Variants in NRG1 observed in about 807,000 individuals in gnomAD.
NRG1 encodes neuregulin 1, also known as pro-neuregulin-1, membrane-bound isoform.
Under a neutral mutation model 63.8 loss-of-function variants are expected in NRG1, and 18 were observed. The ratio of observed to expected loss-of-function variants is 0.28; its 90% CI spans 0.19 to 0.42. The LOEUF (loss-of-function observed/expected upper bound fraction) is 0.42. Ranked by LOEUF, NRG1 falls within the 10% of genes least tolerant of loss-of-function variation. The pLI, the probability that NRG1 is intolerant of heterozygous loss-of-function variation, is 1.00. For missense variants in NRG1, 762 were observed against 814.7 expected (o/e 0.94, Z 0.79); for synonymous variants, 302 against 301.3 (o/e 1.00, Z -0.02).
intron 1 of NRG1, among the ~76,000 whole-genome samples, chr8:32,570,064 C>T (rs879522488): frequency 4.6e-5 from 7 of 151,794 alleles, no homozygotes; most frequent in Non-Finnish European, 7.4e-5. Flanking sequence ...CACACCATCA[C>T]GCCTGGCTAA....
chr8:32,431,604 C>T (rs183793170), intron 1 of NRG1, among the ~76,000 whole-genome samples: 63 of 152,212 alleles, frequency 4.1e-4, no homozygotes, highest in African/African-American at 1.4e-3. Context: ...ATACCTGTTT[C>T]CAAGGTCAAG....
At chr8:32,549,403 T>C (rs988319965) in intron 1 of NRG1, among the ~76,000 whole-genome samples, 1 of 152,176 alleles carries the variant, frequency 6.6e-6, no homozygotes, top group African/African-American at 2.4e-5. Context: ...GATTCAGTCC[T>C]GTGCTACGGA....
Position 32,609,552 on chromosome 8 carries a change from CTCCTTCCTTCCTTCCTTCCTTCCTTCCT to C in NRG1, c.400+3911_400+3938del, listed in dbSNP as rs750000111. 2.5e-3 allele frequency among the ~76,000 whole-genome samples: 205 copies of C among 83,226 alleles called. No individual in the cohort carries two copies. In the Middle Eastern group the frequency reaches 0.041, roughly 17 times the overall value. 54.6% of individuals were successfully genotyped at this position (83,226 alleles called of 152,430 possible). A position where few individuals can be genotyped will look rare whatever the true frequency, so the allele number is the denominator to read the frequency against. ...AATTCTCAAGAATTTCCTTCCCTCC[CTCCTTCCTTCCTTCCTTCCTTCCTTCCT>C]TCCTTCCTTCCTTCCTTCCTTCCTT... On this transcript the variant is annotated intron_variant, in intron 3 of 11. Coordinates refer to ENST00000356819, the Ensembl canonical transcript of NRG1.
At chr8:31,851,626 A>C (rs62508652) in intron 1 of NRG1, among the ~76,000 whole-genome samples, 3,266 of 152,104 alleles carry the variant, frequency 0.021, 55 homozygotes, top group Middle Eastern at 0.034. Flanking sequence ...TTATTATTAT[A>C]CTTTAAGTTT....
At chr8:31,909,959 A>T (rs973300784) in intron 1 of NRG1, among the ~76,000 whole-genome samples, 1 of 152,174 alleles carries the variant, frequency 6.6e-6, no homozygotes, top group African/African-American at 2.4e-5. Context: ...TGTGGCATTT[A>T]TGCGATTACA....
At chr8:31,755,075 A>T (rs1816834614) in intron 1 of NRG1, among the ~76,000 whole-genome samples, 1 of 151,908 alleles carries the variant, frequency 6.6e-6, no homozygotes, top group Non-Finnish European at 1.5e-5. Flanking sequence ...TTTTCCTCAC[A>T]CTTATAACTA....
intron 7 of NRG1, among the ~76,000 whole-genome samples, chr8:32,747,758 A>ATATATATATATATATATATAT (rs1827750010): frequency 2.0e-5 from 3 of 146,494 alleles, no homozygotes; most frequent in African/African-American, 7.6e-5. Context: ...ATATATATAT[A>ATATATATATATATATATATAT]CTTTAAAAAA....
At chr8:32,238,402 C>A (rs1413380979) in intron 1 of NRG1, among the ~76,000 whole-genome samples, 1 of 150,546 alleles carries the variant, frequency 6.6e-6, no homozygotes, top group Non-Finnish European at 1.5e-5. Context: ...TTGCAGTGAG[C>A]CAAGATTGTC....
Position 32,381,169 on chromosome 8 carries a change from C to A in NRG1, c.38-214659C>A, listed in dbSNP as rs113934619. 1.6e-3 allele frequency among the ~76,000 whole-genome samples: 241 copies of A among 152,336 alleles called. 3 individuals are homozygous for A. Among genetic ancestry groups the A allele is most frequent in the African/African-American group, 5.7e-3 (235 of 41,580 alleles). Reference sequence around the variant, plus strand: ...CAACCTCATTGGTCTCTTTCGATTTCTTAAATATACCAAGCAGATTCTTTC... The same window carrying A: ...CAACCTCATTGGTCTCTTTCGATTTATTAAATATACCAAGCAGATTCTTTC... On this transcript the variant is annotated intron_variant, in intron 1 of 10. Transcript: ENST00000519301.
intron 1 of NRG1, among the ~76,000 whole-genome samples, chr8:32,534,268 G>T (rs781331628): frequency 6.6e-6 from 1 of 152,058 alleles, no homozygotes; most frequent in Non-Finnish European, 1.5e-5. Context: ...AAAAAGAACA[G>T]CAAAAACAGC....
intron 1 of NRG1, among the ~76,000 whole-genome samples, chr8:32,290,157 C>T (rs1333159795): frequency 6.6e-6 from 1 of 152,082 alleles, no homozygotes; most frequent in Admixed American, 6.6e-5. Flanking sequence ...AGAAGGATAC[C>T]TTGAGCCCAG....
chr8:32,005,177 C>T (rs1195952721), intron 1 of NRG1, among the ~76,000 whole-genome samples: 1 of 151,644 alleles, frequency 6.6e-6, no homozygotes, highest in East Asian at 2.0e-4. Flanking sequence ...AAAGCCAAAA[C>T]AGGCGAGGAA....
At chr8:32,347,971 A>G (rs1231300448) in intron 1 of NRG1, among the ~76,000 whole-genome samples, 2 of 152,218 alleles carry the variant, frequency 1.3e-5, no homozygotes, top group African/African-American at 4.8e-5. Context: ...GCATTTGGGT[A>G]TATCCCTAAG....
chr8:32,274,779 T>C (rs906789095), intron 1 of NRG1, among the ~76,000 whole-genome samples: 5 of 152,198 alleles, frequency 3.3e-5, no homozygotes, highest in African/African-American at 9.7e-5. Flanking sequence ...TTCTGCTATT[T>C]TAATTTTTTT....
At chr8:32,486,424 T>C (rs1259705568) in intron 1 of NRG1, among the ~76,000 whole-genome samples, 1 of 152,172 alleles carries the variant, frequency 6.6e-6, no homozygotes, top group Non-Finnish European at 1.5e-5. Context: ...CCACCCAGGT[T>C]GTTAGGACAC....
intron 1 of NRG1, among the ~76,000 whole-genome samples, chr8:32,228,963 T>G (rs905985748): frequency 6.6e-5 from 10 of 152,126 alleles, no homozygotes; most frequent in African/African-American, 2.4e-4. Context: ...TTCAAATGAT[T>G]GACTCAGGCT....
chr8:31,688,360 G>A lies in NRG1; in HGVS notation c.37+48929G>A, dbSNP rs1050926594. 5.3e-5 allele frequency among the ~76,000 whole-genome samples: 8 copies of A among 152,288 alleles called. 1 individual carries two copies. Among genetic ancestry groups the A allele is most frequent in the African/African-American group, 1.7e-4 (7 of 41,574 alleles). On this transcript the variant is annotated intron_variant, in intron 1 of 10. Coordinates refer to the NRG1 transcript ENST00000519301. ...CTTGTTTGTCCCTTCCAGGACATGC[G>A]AAACGCAGTGAGAAGGAACCATCTG...
chr8:32,072,736 T>G (rs571974153), intron 1 of NRG1, among the ~76,000 whole-genome samples: 3 of 152,286 alleles, frequency 2.0e-5, no homozygotes, highest in Non-Finnish European at 4.4e-5. Context: ...AAGGCCTCAT[T>G]GGCTTCATGG....
At chr8:32,326,970 C>T (rs571540982) in intron 1 of NRG1, among the ~76,000 whole-genome samples, 137 of 152,232 alleles carry the variant, frequency 9.0e-4, no homozygotes, top group Non-Finnish European at 1.7e-3. Context: ...CAGATTTTTG[C>T]TTTCAATAAA....
Sources: gnomAD v4.1 joint callset for allele counts (sites outside exome capture counted in the v4.1 genomes callset) on GRCh38, gnomAD v4.1.1 for gene constraint, MANE v1.5 for transcripts, NCBI Gene and HGNC (gene_info 2026-07-23, HGNC 2026-07-21) for gene names.